Variants in TCEA3 observed in about 807,000 individuals in gnomAD.
The protein encoded by TCEA3 is transcription elongation factor A3.
In TCEA3, 36 loss-of-function variants were observed where a neutral mutation model predicts 44.0. That is an observed-to-expected ratio of 0.82 (90% confidence interval 0.63 to 1.08). TCEA3 has a LOEUF of 1.08. Among genes scored for constraint, TCEA3 ranks in the 50% least tolerant of loss-of-function variants. The pLI, the probability that TCEA3 is intolerant of heterozygous loss-of-function variation, is 0.00. For synonymous variants in TCEA3, 162 were observed against 159.7 expected, an observed-to-expected ratio of 1.01 and a Z score of -0.11; for missense variants, 392 against 441.2, an observed-to-expected ratio of 0.89 and a Z score of 1.00.
intron 5 of TCEA3, among the ~76,000 whole-genome samples, chr1:23,407,389 G>A (rs1444869250): frequency 6.6e-6 from 1 of 152,010 alleles, no homozygotes; most frequent in South Asian, 2.1e-4. Flanking sequence ...GATAAATTTG[G>A]TGACATCATT....
At chr1:23,388,143 G>C (rs1351133494) in intron 8 of TCEA3, among the ~76,000 whole-genome samples, 1 of 152,010 alleles carries the variant, frequency 6.6e-6, no homozygotes, top group Non-Finnish European at 1.5e-5. Flanking sequence ...CCAGTTAAGG[G>C]TTGGTGGAAG....
At chr1:23,396,335 C>G (rs1365094122) in intron 7 of TCEA3, among the ~76,000 whole-genome samples, 1 of 152,268 alleles carries the variant, frequency 6.6e-6, no homozygotes, top group Non-Finnish European at 1.5e-5. Context: ...CCATGCAAAC[C>G]TTTGTCTCTA....
intron 8 of TCEA3, among the ~76,000 whole-genome samples, chr1:23,392,520 C>T (rs1251743182): frequency 1.2e-4 from 3 of 24,358 alleles, no homozygotes; most frequent in African/African-American, 1.7e-4. Context: ...ACATCATACA[C>T]ACATATTCCA....
chr1:23,391,285 G>A (rs776433101), intron 8 of TCEA3, among the ~76,000 whole-genome samples: 12 of 150,706 alleles, frequency 8.0e-5, no homozygotes, highest in African/African-American at 2.9e-4. Context: ...GCTAATTTTT[G>A]TATTTTTAGT....
intron 5 of TCEA3, among the ~76,000 whole-genome samples, chr1:23,406,072 C>G (rs1639535992): frequency 6.6e-6 from 1 of 152,156 alleles, no homozygotes; most frequent in Non-Finnish European, 1.5e-5. Context: ...TGGTCTAGAA[C>G]CAGGATGACA....
At chr1:23,388,870 G>A (rs1208923828) in intron 8 of TCEA3, among the ~76,000 whole-genome samples, 2 of 151,970 alleles carry the variant, frequency 1.3e-5, no homozygotes, top group Admixed American at 6.6e-5. Context: ...GTATATTTTT[G>A]TAGAGATGGG....
At chr1:23,415,536 T>C (rs1489835639) in intron 4 of TCEA3, among the ~76,000 whole-genome samples, 1 of 152,158 alleles carries the variant, frequency 6.6e-6, no homozygotes, top group African/African-American at 2.4e-5. Flanking sequence ...TTGCCAAGGT[T>C]CTCATAACCA....
At chr1:23,418,107 C>A in intron 2 of TCEA3, 98 bp from the exon 3 acceptor site, 2 of 1,208,594 alleles carry the variant, frequency 1.7e-6, no homozygotes, top group Non-Finnish European at 2.4e-6. Context: ...ACCACCTCCC[C>A]TTCCAACCTG....
At chr1:23,416,766 A>T (rs1381531314) in intron 4 of TCEA3, among the ~76,000 whole-genome samples, 1 of 152,188 alleles carries the variant, frequency 6.6e-6, no homozygotes, top group East Asian at 1.9e-4. Context: ...TGCTGGGATT[A>T]CATGTGTGAG....
chr1:23,415,097 C>G (rs1402927531), intron 4 of TCEA3, among the ~76,000 whole-genome samples: 4 of 141,950 alleles, frequency 2.8e-5, no homozygotes, highest in Non-Finnish European at 6.1e-5. Context: ...GATCTCAGCT[C>G]ACTGCAACCT....
chr1:23,414,311 C>G (rs1320357575), intron 4 of TCEA3, among the ~76,000 whole-genome samples: 1 of 151,524 alleles, frequency 6.6e-6, no homozygotes, highest in Non-Finnish European at 1.5e-5. Flanking sequence ...AGGCTGGTCT[C>G]GAACTCCTGA....
At chr1:23,403,332 G>A (rs574606127) in intron 5 of TCEA3, 1 of 152,332 alleles carries the variant, frequency 6.6e-6, no homozygotes, top group South Asian at 2.1e-4. Context: ...ATGTGACCTT[G>A]GGTGAGTTCC....
chr1:23,423,336 A>C (rs1303541587), intron 1 of TCEA3, among the ~76,000 whole-genome samples: 6 of 152,210 alleles, frequency 3.9e-5, no homozygotes, highest in African/African-American at 1.4e-4. Context: ...CACCGCTGCC[A>C]GCAGAGACAA....
At chr1:23,402,573 G>A (rs1487878509) in intron 5 of TCEA3, among the ~76,000 whole-genome samples, 1 of 152,184 alleles carries the variant, frequency 6.6e-6, no homozygotes, top group East Asian at 1.9e-4. Context: ...CCAGGTCTCA[G>A]CTCGCATGAG....
intron 7 of TCEA3, among the ~76,000 whole-genome samples, chr1:23,396,471 T>A (rs1639217588): frequency 6.6e-6 from 1 of 152,086 alleles, no homozygotes; most frequent in African/African-American, 2.4e-5. Flanking sequence ...ACCTCTCCTG[T>A]CTACACAAGG....
intron 8 of TCEA3, among the ~76,000 whole-genome samples, chr1:23,388,923 T>C (rs1281988717): frequency 6.6e-6 from 1 of 152,128 alleles, no homozygotes; most frequent in East Asian, 1.9e-4. Context: ...GCTCAAGTGA[T>C]CTGCCTACTT....
At chr1:23,388,229 C>T (rs144294801) in intron 8 of TCEA3, among the ~76,000 whole-genome samples, 1,989 of 148,314 alleles carry the variant, frequency 0.013, 45 homozygotes, top group African/African-American at 0.045. Flanking sequence ...GATGGAGTCT[C>T]GCTCTGTCAC....
intron 7 of TCEA3, among the ~76,000 whole-genome samples, chr1:23,395,042 G>A (rs1639174798): frequency 6.6e-6 from 1 of 152,252 alleles, no homozygotes; most frequent in Non-Finnish European, 1.5e-5. Context: ...ATACAATAAA[G>A]AGACTGCGGA....
chr1:23,419,810 T>C (rs1390515721), intron 1 of TCEA3, among the ~76,000 whole-genome samples: 2 of 152,228 alleles, frequency 1.3e-5, no homozygotes, highest in Admixed American at 1.3e-4. Context: ...CACTCCAGCC[T>C]GGGTGACAGA....
Sources: allele counts gnomAD v4.1 joint callset (sites outside exome capture counted in the v4.1 genomes callset), GRCh38; gene constraint gnomAD v4.1.1; transcripts MANE v1.5; gene names NCBI Gene and HGNC (gene_info 2026-07-23, HGNC 2026-07-21).